Variants in RBKS observed in about 807,000 individuals in gnomAD.
RBKS encodes the protein ribokinase.
A neutral mutation model predicts 33.9 loss-of-function variants in RBKS; 33 were observed. The ratio of observed to expected loss-of-function variants is 0.97; its 90% CI spans 0.74 to 1.30. The LOEUF is 1.30. RBKS is among the 50% of genes most tolerant of loss of function. The pLI, the probability that RBKS is intolerant of heterozygous loss-of-function variation, is 0.00. For synonymous variants in RBKS, 125 were observed against 143.0 expected, an observed-to-expected ratio of 0.87 and a Z score of 0.90; for missense variants, 361 against 392.6, an observed-to-expected ratio of 0.92 and a Z score of 0.68.
intron 1 of RBKS, among the ~76,000 whole-genome samples, chr2:27,863,359 T>G (rs1210427201): frequency 6.6e-6 from 1 of 152,244 alleles, no homozygotes; most frequent in African/African-American, 2.4e-5. Flanking sequence ...ATTGTATTAC[T>G]TTTGACAGCT....
At chr2:27,862,091 G>A (rs1277278892) in intron 1 of RBKS, among the ~76,000 whole-genome samples, 4 of 151,586 alleles carry the variant, frequency 2.6e-5, no homozygotes, top group Admixed American at 6.6e-5. Context: ...GGGACCACAG[G>A]TGCACACCAC....
Position 27,843,099 on chromosome 2 carries a change from A to G in RBKS, c.482T>C (p.Leu161Ser). The change falls in exon 5 of 8, where the codon TTG (leucine) becomes TCG (serine). Residue 161 changes from leucine (L) to serine (S), a missense_variant. By Grantham distance (145) the Leu-to-Ser change is moderately radical. Coordinates refer to ENST00000302188, the MANE Select transcript of RBKS (RefSeq NM_022128.3). ...CCTGCGGGCCATTGTTAGGGCTTCC[A>G]AAGAAGTTGCTGGAGTTATTTCGAG... is the stretch of plus-strand genomic sequence containing the variant. The part of the protein sequence containing the change: ...CQLEITPATS[L>S]EALTMARRSG... 6.2e-7 allele frequency: 1 copy of G among 1,607,910 alleles called. No individual in the cohort carries two copies. The highest frequency in any genetic ancestry group is 1.1e-5 in the South Asian group (1 of 89,978).
intron 1 of RBKS, chr2:27,871,014 G>A (rs1389358929): frequency 2.5e-6 from 1 of 394,960 alleles, no homozygotes; most frequent in Non-Finnish European, 5.2e-6. Flanking sequence ...AATGTCCTCT[G>A]CTATTTCATC....
At chr2:27,833,234 T>G (rs1678457252) in intron 5 of RBKS, among the ~76,000 whole-genome samples, 1 of 152,170 alleles carries the variant, frequency 6.6e-6, no homozygotes, top group Non-Finnish European at 1.5e-5. Context: ...CAATGAAAGG[T>G]TCAGAATTCT....
chr2:27,842,838 T>C (rs963521727), intron 5 of RBKS, among the ~76,000 whole-genome samples: 7 of 152,090 alleles, frequency 4.6e-5, no homozygotes, highest in African/African-American at 1.4e-4. Flanking sequence ...GCCAGCTACA[T>C]TGAAGATTTA....
At chr2:27,866,364 T>C (rs1294322469) in intron 1 of RBKS, among the ~76,000 whole-genome samples, 1 of 152,222 alleles carries the variant, frequency 6.6e-6, no homozygotes, top group Non-Finnish European at 1.5e-5. Flanking sequence ...ATAACTGATT[T>C]GCAGGAATTT....
At chr2:27,881,072 A>T (rs1311638265) in intron 1 of RBKS, among the ~76,000 whole-genome samples, 1 of 151,716 alleles carries the variant, frequency 6.6e-6, no homozygotes, top group Non-Finnish European at 1.5e-5. Flanking sequence ...CCAACAAACA[A>T]ACAAACAAAC....
intron 1 of RBKS, among the ~76,000 whole-genome samples, chr2:27,883,171 A>T (rs1573081948): frequency 6.6e-6 from 1 of 152,116 alleles, no homozygotes; most frequent in East Asian, 1.9e-4. Context: ...CAAGACAAGC[A>T]GTAACCATGT....
intron 2 of RBKS, among the ~76,000 whole-genome samples, chr2:27,856,115 T>C (rs1663852404): frequency 6.6e-6 from 1 of 152,244 alleles, no homozygotes; most frequent in South Asian, 2.1e-4. Context: ...TGATTTTCTT[T>C]TTAAGAAGTC....
chr2:27,855,614 AT>A (rs1195019151), intron 2 of RBKS, among the ~76,000 whole-genome samples: 2 of 152,232 alleles, frequency 1.3e-5, no homozygotes, highest in Non-Finnish European at 2.9e-5. Context: ...ATCTGCCAGG[AT>A]TTTAAATCTG....
At chr2:27,882,102 T>A (rs1361232010) in intron 1 of RBKS, among the ~76,000 whole-genome samples, 1 of 152,084 alleles carries the variant, frequency 6.6e-6, no homozygotes, top group African/African-American at 2.4e-5. Flanking sequence ...AAAGCTTCTG[T>A]ACAGTAAAAG....
At chr2:27,888,405 G>C (rs1331328088) in intron 1 of RBKS, among the ~76,000 whole-genome samples, 1 of 152,168 alleles carries the variant, frequency 6.6e-6, no homozygotes, top group Non-Finnish European at 1.5e-5. Context: ...GGGATTACAG[G>C]TATGAGCCAC....
chr2:27,834,657 T>C (rs7560060), intron 5 of RBKS, among the ~76,000 whole-genome samples: 39,693 of 151,962 alleles, frequency 0.26, 6,113 homozygotes, highest in East Asian at 0.63. Context: ...TTAAACTTTT[T>C]AGGTTTTCAG....
intron 1 of RBKS, among the ~76,000 whole-genome samples, chr2:27,883,667 T>G (rs1268967036): frequency 6.6e-6 from 1 of 152,196 alleles, no homozygotes; most frequent in East Asian, 1.9e-4. Context: ...AGGAATGGAT[T>G]GCTAAAGGGA....
At position 27,795,769 on chromosome 2, in the gene RBKS, G is replaced by C. The variant is rs960359167; in HGVS notation, c.796-13981C>G. 6.6e-6 allele frequency among the ~76,000 whole-genome samples: 1 copy of C among 152,196 alleles called. No individual in the cohort carries two copies. The highest frequency in any genetic ancestry group is 1.5e-5 in the Non-Finnish European group (1 of 68,040). On this transcript the variant is annotated intron_variant, in intron 7 of 7. Coordinates refer to ENST00000302188, the MANE Select transcript of RBKS (RefSeq NM_022128.3). This position sits in a 1 kb window ranked among gnomAD's most constrained non-coding sequence, Gnocchi z 4.1. ...AGCAGGCAAAGAGGGAGGGAAAAAGGAAGGAAATCAAGCTGAAAAGAGTCT... is the reference window on the plus strand; with the variant it reads ...AGCAGGCAAAGAGGGAGGGAAAAAGCAAGGAAATCAAGCTGAAAAGAGTCT...
chr2:27,852,479 TGAA>T (rs2148216377), intron 2 of RBKS, among the ~76,000 whole-genome samples: 1 of 152,272 alleles, frequency 6.6e-6, no homozygotes, highest in Non-Finnish European at 1.5e-5. Flanking sequence ...CTTTCTGCAT[TGAA>T]GAAGAGCTTT....
intron 2 of RBKS, among the ~76,000 whole-genome samples, chr2:27,856,172 T>G (rs1663852900): frequency 6.6e-6 from 1 of 152,252 alleles, no homozygotes; most frequent in South Asian, 2.1e-4. Context: ...ATTCCATGTC[T>G]AAAGGTTCCA....
At chr2:27,858,290 G>C in intron 2 of RBKS, 149 bp downstream of exon 2, 1 of 631,688 alleles carries the variant, frequency 1.6e-6, no homozygotes. Flanking sequence ...AGACAGAAGT[G>C]GTGGTTGAAT....
At chr2:27,796,215 C>T (rs1348400297) in intron 7 of RBKS, among the ~76,000 whole-genome samples, 1 of 146,380 alleles carries the variant, frequency 6.8e-6, no homozygotes, top group East Asian at 2.2e-4. Context: ...TATTTTTATA[C>T]ACTGGTATGA....
Sources: gnomAD v4.1 joint callset for allele counts (sites outside exome capture counted in the v4.1 genomes callset) on GRCh38, gnomAD v4.1.1 for gene constraint, Gnocchi (gnomAD v3.1) non-coding constraint, MANE v1.5 for transcripts, NCBI Gene and HGNC (gene_info 2026-07-23, HGNC 2026-07-21) for gene names.